Variants in PTPRN2 observed in about 807,000 individuals in gnomAD.
PTPRN2 encodes protein tyrosine phosphatase receptor type N2.
In PTPRN2, 74 loss-of-function variants were observed where a neutral mutation model predicts 118.8. The observed-to-expected ratio is 0.62, with a 90% CI of 0.52 to 0.76. The LOEUF is 0.76. Ranked by LOEUF, PTPRN2 falls within the 30% of genes least tolerant of loss-of-function variation. The pLI is 0.00. For synonymous variants in PTPRN2, 641 were observed against 608.0 expected (o/e 1.05, Z -0.80); for missense variants, 1,481 against 1,394.4 (o/e 1.06, Z -0.99).
At chr7:157,999,400 C>T (rs79175341) in intron 11 of PTPRN2, among the ~76,000 whole-genome samples, 2,974 of 152,220 alleles carry the variant, frequency 0.02, 99 homozygotes, top group African/African-American at 0.068. Context: ...CAGACGCTCT[C>T]GTTTTCACGT....
intron 1 of PTPRN2, among the ~76,000 whole-genome samples, chr7:158,514,101 C>A (rs550456285): frequency 1.3e-5 from 2 of 152,178 alleles, no homozygotes; most frequent in African/African-American, 2.4e-5. Context: ...GCCTACAACC[C>A]TCAATCAGTA....
Position 157,874,397 on chromosome 7 carries a change from C to T in PTPRN2, c.1788+24276G>A, listed in dbSNP as rs1795585643. Among the ~76,000 whole-genome samples, 1 of 152,220 alleles carries T rather than the reference C, an allele frequency of 6.6e-6. No homozygotes were observed. The highest frequency in any genetic ancestry group is 2.4e-5 in the African/African-American group (1 of 41,460). On this transcript the variant is annotated intron_variant, in intron 12 of 22. Coordinates refer to ENST00000389418, the MANE Select transcript of PTPRN2 (RefSeq NM_002847.5). The surrounding 1 kb of genome is among the most constrained non-coding windows in gnomAD (Gnocchi z 5.8). ...TGACCCAGCTCCTGCTTTCTGCCCCCTCCTGTCCCCTCTCTCCTGCCCTGC... is the reference window on the plus strand; with the variant it reads ...TGACCCAGCTCCTGCTTTCTGCCCCTTCCTGTCCCCTCTCTCCTGCCCTGC...
At chr7:157,607,269 C>T (rs576408807) in intron 15 of PTPRN2, among the ~76,000 whole-genome samples, 27 of 152,362 alleles carry the variant, frequency 1.8e-4, no homozygotes, top group Admixed American at 5.2e-4. Context: ...CACAGTGGGG[C>T]CACACAGACA....
intron 2 of PTPRN2, among the ~76,000 whole-genome samples, chr7:158,334,100 C>A (rs373208237): frequency 1.9e-4 from 15 of 77,256 alleles, no homozygotes; most frequent in Admixed American, 8.1e-4. Context: ...TAAGAGGTGA[C>A]ACCTGCAGAC....
chr7:158,070,819 C>A (rs1811297767), intron 11 of PTPRN2, among the ~76,000 whole-genome samples: 1 of 99,860 alleles, frequency 1.0e-5, no homozygotes, highest in South Asian at 3.7e-4. Flanking sequence ...GGTGAAGGTG[C>A]CCGTGGTGGT....
chr7:158,136,675 C>A lies in PTPRN2; in HGVS notation c.1153G>T (p.Asp385Tyr). The A allele has an allele frequency of 6.2e-7, 1 of 1,613,864 alleles. No homozygotes were observed. The highest frequency in any genetic ancestry group is 1.3e-5 in the African/African-American group (1 of 75,020). Residue 385 changes from aspartate to tyrosine, a missense_variant, in exon 8 of 23, where the codon GAT (aspartate) becomes TAT (tyrosine). Asp to Tyr is a radical substitution (Grantham distance 160, BLOSUM62 -3). Transcript: ENST00000389418. ...CTTACCTCTTGGTAAAGTCTATCAT[C>A]GTCGTCCTGCACTCCGTCATCTGTA... ...SFPDDGVQDDDDRLYQEVHRL... is the reference protein window; with the variant it reads ...SFPDDGVQDDYDRLYQEVHRL...
At chr7:157,716,056 C>T (rs567008661) in intron 12 of PTPRN2, among the ~76,000 whole-genome samples, 16 of 152,354 alleles carry the variant, frequency 1.1e-4, no homozygotes, top group Middle Eastern at 6.8e-3. Context: ...GAGAAGCCCA[C>T]GTGGGACATG....
intron 11 of PTPRN2, among the ~76,000 whole-genome samples, chr7:158,053,424 G>A (rs75241473): frequency 5.9e-5 from 9 of 152,258 alleles, no homozygotes; most frequent in East Asian, 5.8e-4. Flanking sequence ...TTTAATTAAC[G>A]TGTAGCTAAA....
intron 1 of PTPRN2, among the ~76,000 whole-genome samples, chr7:158,513,371 G>A (rs962450678): frequency 2.0e-5 from 3 of 152,206 alleles, no homozygotes; most frequent in African/African-American, 4.8e-5. Context: ...ACACGACCAC[G>A]AAATGTATGG....
Position 157,990,009 on chromosome 7 carries a change from A to G in PTPRN2, c.1724-91272T>C, listed in dbSNP as rs986046377. ...AGCTGCTTCGTGTCCCTTCTTTGAC[A>G]GTAAAAGTTGTTTTCTTGGAAATAA... On this transcript the variant is annotated intron_variant, in intron 11 of 22. Transcript: ENST00000389418. This position sits in a 1 kb window ranked among gnomAD's most constrained non-coding sequence, Gnocchi z 4.3. Among the ~76,000 whole-genome samples the G allele has an allele frequency of 1.3e-4, 20 of 152,080 alleles. No individual in the cohort carries two copies. The highest frequency in any genetic ancestry group is 4.6e-4 in the African/African-American group (19 of 41,414).
chr7:158,262,345 T>TCG (rs1563053611), intron 3 of PTPRN2, among the ~76,000 whole-genome samples: 25 of 108,044 alleles, frequency 2.3e-4, no homozygotes, highest in Non-Finnish European at 4.2e-4. Flanking sequence ...GCACACATAT[T>TCG]CACACACACT....
chr7:158,435,468 T>C (rs1319657515), intron 2 of PTPRN2, among the ~76,000 whole-genome samples: 1 of 152,170 alleles, frequency 6.6e-6, no homozygotes, highest in Non-Finnish European at 1.5e-5. Context: ...GTGAAGACTG[T>C]ATACTGTTGT....
intron 11 of PTPRN2, among the ~76,000 whole-genome samples, chr7:157,998,834 A>C (rs905193026): frequency 1.6e-4 from 24 of 151,934 alleles, no homozygotes; most frequent in Non-Finnish European, 2.9e-4. Context: ...AAAAAAAAAA[A>C]AAACTCTACT....
intron 12 of PTPRN2, among the ~76,000 whole-genome samples, chr7:157,757,513 T>C (rs1563077346): frequency 1.3e-5 from 2 of 151,528 alleles, no homozygotes; most frequent in African/African-American, 4.9e-5. Context: ...CCAGGGAACT[T>C]TGGATACGGG....
At chr7:157,575,832 G>A (rs1365005690) in intron 19 of PTPRN2, among the ~76,000 whole-genome samples, 1 of 152,152 alleles carries the variant, frequency 6.6e-6, no homozygotes, top group African/African-American at 2.4e-5. Context: ...GTAGACTTCT[G>A]ATCAGTTAAA....
chr7:158,381,566 T>A (rs1810967495), intron 2 of PTPRN2, among the ~76,000 whole-genome samples: 1 of 152,208 alleles, frequency 6.6e-6, no homozygotes, highest in Non-Finnish European at 1.5e-5. Flanking sequence ...AGTGCCAAAC[T>A]TTCCCACATT....
intron 21 of PTPRN2, among the ~76,000 whole-genome samples, chr7:157,566,757 C>T (rs1393664143): frequency 2.0e-5 from 3 of 152,260 alleles, no homozygotes; most frequent in African/African-American, 7.2e-5. Context: ...CCCTGCCCCC[C>T]GTACCGGGGT....
In PTPRN2 at chr7:158,551,006, T is replaced by C. The variant is rs1277608364; in HGVS notation, c.112+36552A>G. ...GACAGGACACAGCAGCAAGGAGGCC[T>C]GTCCACCAGCAGCGACCGTGAGCAC... On this transcript the variant is annotated intron_variant, in intron 1 of 22. Coordinates refer to ENST00000389418, the MANE Select transcript of PTPRN2 (RefSeq NM_002847.5). Among the ~76,000 whole-genome samples the C allele has an allele frequency of 2.3e-4, 35 of 152,240 alleles. 1 individual carries two copies. The highest frequency in any genetic ancestry group is 2.3e-3 in the Admixed American group (35 of 15,282).
chr7:157,701,005 C>T (rs1402316616), intron 12 of PTPRN2, among the ~76,000 whole-genome samples: 4 of 152,248 alleles, frequency 2.6e-5, no homozygotes, highest in East Asian at 1.9e-4. Flanking sequence ...CGCACGCTTT[C>T]GCACACGTGG....
Sources: gnomAD v4.1 joint callset for allele counts (sites outside exome capture counted in the v4.1 genomes callset) on GRCh38, gnomAD v4.1.1 for gene constraint, Gnocchi (gnomAD v3.1) non-coding constraint, MANE v1.5 for transcripts, NCBI Gene and HGNC (gene_info 2026-07-23, HGNC 2026-07-21) for gene names.